ORC2: variants seen among roughly 807,000 people sequenced by gnomAD.
ORC2 encodes origin recognition complex subunit 2.
Under a neutral mutation model 77.7 loss-of-function variants are expected in ORC2, and 37 were observed. That is an observed-to-expected ratio of 0.48 (90% CI 0.37 to 0.63). ORC2 has a LOEUF of 0.63. ORC2 is among the 20% of genes least tolerant of loss of function. The pLI, the probability that ORC2 is intolerant of heterozygous loss-of-function variation, is 0.00. For synonymous variants in ORC2, 201 were observed against 229.5 expected (o/e 0.88, Z 1.12); for missense variants, 557 against 661.9 (o/e 0.84, Z 1.74).
intron 6 of ORC2, 52 bp from the exon 7 acceptor site, chr2:200,941,331 T>A: frequency 6.5e-7 from 1 of 1,543,614 alleles, no homozygotes; most frequent in African/African-American, 1.4e-5. Flanking sequence ...TCACTTTTCA[T>A]TGTGGTCTAG....
rs761220989 is a variant in ORC2, at chr2:200,925,841, T to C, written c.1142A>G (p.Lys381Arg). The C allele has an allele frequency of 1.3e-6, 2 of 1,528,658 alleles. No homozygotes were observed. Among genetic ancestry groups the C allele is most frequent in the South Asian group, 1.1e-5 (1 of 87,114 alleles). 94.7% of individuals were successfully genotyped at this position (1,528,658 alleles called of 1,614,324 possible). ...GAGCATCTACTTCATGTTACCTTCTTTAAATTTGTTTACTATCCAGTCTAG... is the reference window on the plus strand; with the variant it reads ...GAGCATCTACTTCATGTTACCTTCTCTAAATTTGTTTACTATCCAGTCTAG... The part of the protein sequence containing the change: ...DQLDWIVNKF[K>R]EDSSLELFLL... The change falls in exon 13 of 18, where the codon AAA becomes AGA. Residue 381 changes from lysine to arginine, a missense_variant. Physicochemically the swap from Lys to Arg is conservative, Grantham distance 26 (BLOSUM62 2). Transcript: ENST00000234296.
chr2:200,920,763 C>T (rs2040742110), intron 14 of ORC2, among the ~76,000 whole-genome samples: 1 of 152,074 alleles, frequency 6.6e-6, no homozygotes, highest in South Asian at 2.1e-4. Flanking sequence ...TGGGTCTTTT[C>T]CCTCCATTTA....
At chr2:200,941,078 C>A (rs781516268) in intron 7 of ORC2, among the ~76,000 whole-genome samples, 170 bp downstream of exon 7, 4 of 152,202 alleles carry the variant, frequency 2.6e-5, no homozygotes, top group Non-Finnish European at 5.9e-5. Flanking sequence ...CTTTACCTCT[C>A]TGAACCTCAA....
In ORC2 at chr2:200,953,636, C is replaced by A. The variant is rs569227610; in HGVS notation, c.238+3765G>T. 3.3e-5 allele frequency among the ~76,000 whole-genome samples: 5 copies of A among 152,246 alleles called. 1 individual carries two copies. The South Asian group carries it at 1.0e-3, about 32-fold the overall frequency. On this transcript the variant is annotated intron_variant, in intron 4 of 17. Transcript: ENST00000234296. ...AGGGTCACAAAGAGGTATTTGTACA[C>A]CCATGTTCATAGCAGCATCATTCGC...
At chr2:200,959,033 TA>T (rs761389264) in intron 2 of ORC2, among the ~76,000 whole-genome samples, 7 of 152,082 alleles carry the variant, frequency 4.6e-5, no homozygotes, top group Non-Finnish European at 8.8e-5. Context: ...TTTCTTTTTT[TA>T]TTGAGACAGG....
At chr2:200,951,960 T>C (rs2041365030) in intron 4 of ORC2, among the ~76,000 whole-genome samples, 1 of 152,144 alleles carries the variant, frequency 6.6e-6, no homozygotes, top group Non-Finnish European at 1.5e-5. Context: ...TATTCTCTTA[T>C]ATTTTTGTCT....
chr2:200,924,909 C>A (rs1169121513), intron 13 of ORC2, among the ~76,000 whole-genome samples: 1 of 152,006 alleles, frequency 6.6e-6, no homozygotes, highest in African/African-American at 2.4e-5. Flanking sequence ...CAGGCATGTG[C>A]CACCACGCCT....
Position 200,949,650 on chromosome 2 carries a change from GA to G in ORC2, c.239-8del, listed in dbSNP as rs745779295. The G allele has an allele frequency of 6.6e-6, 10 of 1,507,248 alleles. No homozygotes were observed. Among genetic ancestry groups the G allele is most frequent in the South Asian group, 3.6e-5 (3 of 83,368 alleles). The allele number at this position is 1,507,248 out of a possible 1,614,324, so 93.4% of individuals were successfully genotyped here. On this transcript the variant is annotated splice_polypyrimidine_tract_variant and splice_region_variant and intron_variant, in intron 4 of 17. Transcript: ENST00000234296. ...GAGCCATTTTTCAATGATTCTGAAA[GA>G]AAAAAATGCAATATACATTTAGGAA...
intron 5 of ORC2, among the ~76,000 whole-genome samples, chr2:200,949,241 TAA>T (rs746523658): frequency 2.6e-4 from 35 of 134,360 alleles, no homozygotes; most frequent in Non-Finnish European, 2.1e-4. Context: ...ACTCCACCTT[TAA>T]AAAAAAAAAA....
At chr2:200,944,463 G>A (rs762464494) in intron 5 of ORC2, among the ~76,000 whole-genome samples, 11 of 152,140 alleles carry the variant, frequency 7.2e-5, no homozygotes, top group Admixed American at 3.9e-4. Flanking sequence ...GTGAGCCACC[G>A]CGCCCGGCTA....
chr2:200,952,422 G>A (rs1026570766), intron 4 of ORC2, among the ~76,000 whole-genome samples: 1 of 151,834 alleles, frequency 6.6e-6, no homozygotes, highest in South Asian at 2.1e-4. Flanking sequence ...ACCACACCCG[G>A]CTAATTTTTT....
Position 200,957,507 on chromosome 2 carries a change from G to A in ORC2, c.132C>T (p.Val44=), listed in dbSNP as rs770390719. ...KLKKERAQLL[V]NPKKIIKKPE... ...GCTTCTTTATTATTTTTTTGGGGTT[G>A]ACCAAAAGCTGCGCTCGCTCCTTCT... Residue 44 remains valine (V), a synonymous_variant, in exon 4 of 18, where the codon GTC becomes GTT. Transcript: ENST00000234296. The A allele has an allele frequency of 1.2e-6, 2 of 1,609,650 alleles. No homozygotes were observed. Among genetic ancestry groups the A allele is most frequent in the South Asian group, 2.2e-5 (2 of 90,552 alleles).
At chr2:200,934,065 C>A in intron 9 of ORC2, 91 bp from the exon 10 acceptor site, 2 of 595,780 alleles carry the variant, frequency 3.4e-6, no homozygotes, top group Non-Finnish European at 2.9e-6. Flanking sequence ...AAATAGGACA[C>A]GTGAAATTCT....
intron 15 of ORC2, among the ~76,000 whole-genome samples, chr2:200,917,942 C>G (rs1010092312): frequency 6.6e-6 from 1 of 150,604 alleles, no homozygotes; most frequent in African/African-American, 2.4e-5. Flanking sequence ...TGTGTACACT[C>G]TCCTCTATCT....
intron 5 of ORC2, among the ~76,000 whole-genome samples, chr2:200,943,354 C>T (rs1176455569): frequency 6.6e-6 from 1 of 151,710 alleles, no homozygotes; most frequent in Non-Finnish European, 1.5e-5. Context: ...TTTATTTTTA[C>T]TTTAACAATT....
intron 13 of ORC2, among the ~76,000 whole-genome samples, chr2:200,922,926 A>G (rs1027381903): frequency 1.1e-4 from 16 of 152,240 alleles, no homozygotes; most frequent in African/African-American, 2.9e-4. Flanking sequence ...TTATTATAGG[A>G]ATAAATATTG....
At position 200,920,374 on chromosome 2, in the gene ORC2, C is replaced by G; in HGVS notation, c.1314G>C (p.Gln438His). Residue 438 changes from glutamine to histidine, a missense_variant, in exon 15 of 18, where the codon CAG becomes CAC. Coordinates refer to ENST00000234296, the MANE Select transcript of ORC2 (RefSeq NM_006190.5). ...NAPLMWDHAK[Q>H]SLFNWLWYET... ...CATACCAGAGCCAGTTAAAAAGACT[C>G]TGCTTTGCATGATCCCACACTAGCA... 4.4e-6 allele frequency: 7 copies of G among 1,604,306 alleles called. No individual in the cohort carries two copies. The highest frequency in any genetic ancestry group is 6.0e-6 in the Non-Finnish European group (7 of 1,174,252).
chr2:200,911,824 C>T (rs577943570), intron 17 of ORC2, among the ~76,000 whole-genome samples: 3 of 152,288 alleles, frequency 2.0e-5, no homozygotes, highest in African/African-American at 4.8e-5. Context: ...ATTATCTCTG[C>T]ACTTCTCCAA....
Position 200,925,694 on chromosome 2 carries a change from G to A in ORC2, c.1147+142C>T, listed in dbSNP as rs150954653. ...GTCAAGGCTGCAGTGAGCCATGATC[G>A]CACCACTGCACTCCAGGCTGGGCAA... is the stretch of plus-strand genomic sequence containing the variant. On this transcript the variant is annotated intron_variant, in intron 13 of 17. Coordinates refer to ENST00000234296, the MANE Select transcript of ORC2 (RefSeq NM_006190.5). The A allele has an allele frequency of 2.9e-3, 856 of 297,576 alleles. 8 individuals carry two copies. The highest frequency in any genetic ancestry group is 0.016 in the African/African-American group (755 of 46,504). 18.4% of individuals were successfully genotyped at this position (297,576 alleles called of 1,614,324 possible). A position where few individuals can be genotyped will look rare whatever the true frequency, so the allele number is the denominator to read the frequency against.
Sources: allele counts gnomAD v4.1 joint callset (sites outside exome capture counted in the v4.1 genomes callset), GRCh38; gene constraint gnomAD v4.1.1; transcripts MANE v1.5; gene names NCBI Gene and HGNC (gene_info 2026-07-23, HGNC 2026-07-21).